EML1: variants seen among roughly 807,000 people sequenced by gnomAD.
EML1 encodes echinoderm microtubule-associated protein-like 1.
A neutral mutation model predicts 110.4 loss-of-function variants in EML1; 27 were observed. The ratio of observed to expected loss-of-function variants is 0.24; its 90% CI spans 0.18 to 0.34. EML1 has a LOEUF of 0.34. Ranked by LOEUF, EML1 falls within the 10% of genes least tolerant of loss-of-function variation. EML1 has a pLI of 1.00. For synonymous variants in EML1, 344 were observed against 385.8 expected (o/e 0.89, Z 1.27); for missense variants, 741 against 1,030.9 (o/e 0.72, Z 3.85).
intron 3 of EML1, among the ~76,000 whole-genome samples, chr14:99,874,361 C>A (rs571047084): frequency 6.6e-6 from 1 of 152,282 alleles, no homozygotes; most frequent in South Asian, 2.1e-4. Context: ...CATTTCTATA[C>A]AAAAAATACT....
At chr14:99,934,768 T>C (rs2140129979) in intron 17 of EML1, among the ~76,000 whole-genome samples, 1 of 152,332 alleles carries the variant, frequency 6.6e-6, no homozygotes, top group Admixed American at 6.5e-5. Context: ...TCTGACCTTT[T>C]CCCGGACTCA....
In EML1 at chr14:99,909,603, T is replaced by G. The variant is rs2059912883; in HGVS notation, c.1239+124T>G. 6 of 1,251,166 alleles carry G rather than the reference T, an allele frequency of 4.8e-6. No homozygotes were observed. In the South Asian group the frequency reaches 7.0e-5, roughly 15 times the overall value. The allele number at this position is 1,251,166 out of a possible 1,614,324, so 77.5% of individuals were successfully genotyped here. A position where few individuals can be genotyped will look rare whatever the true frequency, so the allele number is the denominator to read the frequency against. Reference sequence around the variant, plus strand: ...GGATCCCTCACATAGTTGGGAAGCGTGTCACACCTGGTAGATAACGCTGGT... The same window carrying G: ...GGATCCCTCACATAGTTGGGAAGCGGGTCACACCTGGTAGATAACGCTGGT... On this transcript the variant is annotated intron_variant, in intron 11 of 21. Coordinates refer to ENST00000262233, the MANE Select transcript of EML1 (RefSeq NM_004434.3).
At chr14:99,757,884 T>C (rs1168697702) in intron 1 of EML1, among the ~76,000 whole-genome samples, 1 of 152,238 alleles carries the variant, frequency 6.6e-6, no homozygotes, top group Admixed American at 6.5e-5. Flanking sequence ...TCTTTCTTCC[T>C]AGAAACAAGG....
At chr14:99,764,444 C>T (rs1007883647) in intron 1 of EML1, among the ~76,000 whole-genome samples, 1 of 152,226 alleles carries the variant, frequency 6.6e-6, no homozygotes, top group African/African-American at 2.4e-5. Flanking sequence ...CGAGGCAGAG[C>T]CCTGGGTTGG....
At chr14:99,888,305 G>A (rs751467994) in intron 4 of EML1, among the ~76,000 whole-genome samples, 23 of 152,212 alleles carry the variant, frequency 1.5e-4, no homozygotes, top group South Asian at 8.3e-4. Flanking sequence ...ATTCCCTTGC[G>A]GATTTTCTCT....
rs1277869048 is a variant in EML1, at chr14:99,850,419, G to A, written c.68-434G>A. On this transcript the variant is annotated intron_variant, in intron 1 of 21. Transcript: ENST00000262233. The stretch of plus-strand genomic sequence containing the variant: ...TTCAGAGTCTTGACCGATGGATAGG[G>A]TGGCCTTGTGATTGTATGACCTACC... 4 of 1,170,456 alleles carry A rather than the reference G, an allele frequency of 3.4e-6. No individual in the cohort carries two copies. The African/African-American group carries it at 6.3e-5, about 18-fold the overall frequency. 72.5% of individuals were successfully genotyped at this position (1,170,456 alleles called of 1,614,324 possible).
chr14:99,902,642 G>T (rs1057092017), intron 9 of EML1, among the ~76,000 whole-genome samples: 3 of 152,154 alleles, frequency 2.0e-5, no homozygotes, highest in Non-Finnish European at 4.4e-5. Context: ...TTTTCACATA[G>T]GCTTTTTAAA....
chr14:99,857,141 G>A (rs1401055352), intron 2 of EML1, among the ~76,000 whole-genome samples: 2 of 151,950 alleles, frequency 1.3e-5, no homozygotes, highest in East Asian at 3.9e-4. Context: ...GTGTGATGGC[G>A]TGAACCTGTA....
At chr14:99,772,554 A>T (rs1026115052), upstream of EML1, among the ~76,000 whole-genome samples, 1 of 152,112 alleles carries the variant, frequency 6.6e-6, no homozygotes, top group Admixed American at 6.5e-5. Flanking sequence ...AGGTTTGGAC[A>T]TTGCTCCAAA....
intron 9 of EML1, among the ~76,000 whole-genome samples, chr14:99,903,430 A>G (rs2059792259): frequency 6.6e-6 from 1 of 152,222 alleles, no homozygotes; most frequent in Non-Finnish European, 1.5e-5. Context: ...CCTTTTAAAT[A>G]GGACCAAAAC....
chr14:99,786,681 G>A (rs958607909), intron 1 of EML1, among the ~76,000 whole-genome samples: 4 of 152,246 alleles, frequency 2.6e-5, no homozygotes, highest in Non-Finnish European at 4.4e-5. Flanking sequence ...AGGAGCTTTC[G>A]GATAGCACAG....
intron 1 of EML1, among the ~76,000 whole-genome samples, chr14:99,810,437 T>C (rs2058055948): frequency 6.6e-6 from 1 of 152,256 alleles, no homozygotes; most frequent in Non-Finnish European, 1.5e-5. Flanking sequence ...CATTTCGTCC[T>C]CGCAACCATT....
At position 99,939,165 on chromosome 14, in the gene EML1, T is replaced by C. The variant is rs113520213; in HGVS notation, c.2192-32T>C. 1,243 of 1,611,992 alleles carry C rather than the reference T, an allele frequency of 7.7e-4. 10 individuals are homozygous for C. The African/African-American group carries it at 0.014, about 19-fold the overall frequency. ...CATGTGGCCCTGTGGCCCCTGGTGT[T>C]TCCAGCGCCCTGTTTGTGGTCTTTG... On this transcript the variant is annotated intron_variant, in intron 20 of 21. Coordinates refer to ENST00000262233, the MANE Select transcript of EML1 (RefSeq NM_004434.3). This position sits in a 1 kb window ranked among gnomAD's most constrained non-coding sequence, Gnocchi z 4.2.
chr14:99,860,223 T>C (rs1364688398), intron 2 of EML1, among the ~76,000 whole-genome samples: 1 of 152,214 alleles, frequency 6.6e-6, no homozygotes, highest in Non-Finnish European at 1.5e-5. Flanking sequence ...ATTCTCCTTT[T>C]GGTGCTGTGT....
chr14:99,885,080 G>A (rs770758620), intron 4 of EML1, among the ~76,000 whole-genome samples: 10 of 152,230 alleles, frequency 6.6e-5, no homozygotes, highest in African/African-American at 9.6e-5. Flanking sequence ...GGCCCAGGCC[G>A]TGCCATTCTT....
At chr14:99,737,992 C>A in intron 1 of EML1, 1 of 938,616 alleles carries the variant, frequency 1.1e-6, no homozygotes, top group Non-Finnish European at 1.4e-6. Context: ...TTGCCCGACG[C>A]CTGGGGGGCC....
intron 1 of EML1, among the ~76,000 whole-genome samples, chr14:99,813,467 C>A (rs143171126): frequency 1.1e-4 from 17 of 152,236 alleles, no homozygotes; most frequent in Non-Finnish European, 1.8e-4. Flanking sequence ...GTAATCCCAG[C>A]ACTGTGGGAG....
intron 1 of EML1, among the ~76,000 whole-genome samples, chr14:99,765,958 C>T (rs1463125687): frequency 2.0e-5 from 3 of 152,092 alleles, no homozygotes; most frequent in Admixed American, 2.0e-4. Context: ...ATTTTATTTA[C>T]TACTTACACA....
At chr14:99,761,667 G>A (rs1207159200) in intron 1 of EML1, among the ~76,000 whole-genome samples, 1 of 152,022 alleles carries the variant, frequency 6.6e-6, no homozygotes, top group Non-Finnish European at 1.5e-5. Flanking sequence ...GCTCACACCT[G>A]TAATCCCAGC....
Sources: gnomAD v4.1 joint callset for allele counts (sites outside exome capture counted in the v4.1 genomes callset) on GRCh38, gnomAD v4.1.1 for gene constraint, Gnocchi (gnomAD v3.1) non-coding constraint, MANE v1.5 for transcripts, NCBI Gene and HGNC (gene_info 2026-07-23, HGNC 2026-07-21) for gene names.